The following MRPS27 variants were observed in gnomAD, a reference collection of about 807,000 sequenced individuals.
MRPS27 encodes the protein small ribosomal subunit protein mS27.
Under a neutral mutation model 48.9 loss-of-function variants are expected in MRPS27, and 43 were observed. The ratio of observed to expected loss-of-function variants is 0.88; its 90% CI spans 0.69 to 1.13. The LOEUF is 1.13. Among genes scored for constraint, MRPS27 ranks in the 50% most tolerant of loss-of-function variants. The pLI is 0.00. For synonymous variants in MRPS27, 188 were observed against 171.9 expected (o/e 1.09, Z -0.73); for missense variants, 467 against 476.3 (o/e 0.98, Z 0.18).
rs1389353111 is a variant in MRPS27 at position 72,219,633 on chromosome 5, G to A, written c.*1276C>T. The A allele has an allele frequency of 6.6e-6, 1 of 152,124 alleles. No individual in the cohort carries two copies. Among genetic ancestry groups the A allele is most frequent in the Non-Finnish European group, 1.5e-5 (1 of 68,028 alleles). 9.4% of individuals were successfully genotyped at this position (152,124 alleles called of 1,614,324 possible). ...CAACACTACATAGTAAGCAAAATCT[G>A]CTCTGAACCCTTTCACAGAAGAGAC... On this transcript the variant is annotated 3_prime_UTR_variant, in exon 11 of 11. Transcript: ENST00000261413.
At chr5:72,274,179 C>A (rs11749207) in intron 4 of MRPS27, among the ~76,000 whole-genome samples, 2,348 of 152,196 alleles carry the variant, frequency 0.015, 24 homozygotes, top group Non-Finnish European at 0.025. Flanking sequence ...TACGGTGAAA[C>A]CCCGTCTCTA....
At position 72,292,472 on chromosome 5, in the gene MRPS27, T is replaced by C. The variant is rs545263153; in HGVS notation, c.281+3059A>G. 2.6e-5 allele frequency among the ~76,000 whole-genome samples: 4 copies of C among 152,280 alleles called. No homozygotes were observed. In the South Asian group the frequency reaches 8.3e-4, roughly 32 times the overall value. On this transcript the variant is annotated intron_variant, in intron 4 of 10. Transcript: ENST00000261413. Reference sequence around the variant, plus strand: ...TCTCCTTAAAAGATCCCTTTAATGTTGAAGTCCCTAAACATTTAAGCCTAT... The same window carrying C: ...TCTCCTTAAAAGATCCCTTTAATGTCGAAGTCCCTAAACATTTAAGCCTAT...
chr5:72,238,401 A>G (rs1184285534), intron 4 of MRPS27, among the ~76,000 whole-genome samples: 1 of 152,242 alleles, frequency 6.6e-6, no homozygotes, highest in Non-Finnish European at 1.5e-5. Flanking sequence ...AGATTTATGA[A>G]AAATGATTTG....
chr5:72,259,468 CA>C (rs11286212), intron 4 of MRPS27, among the ~76,000 whole-genome samples: 76,935 of 127,656 alleles, frequency 0.6, 21,703 homozygotes, highest in Middle Eastern at 0.65. Flanking sequence ...AACTTCGTCT[CA>C]AAAAAAAAAA....
intron 4 of MRPS27, among the ~76,000 whole-genome samples, chr5:72,258,529 T>TG (rs1175968362): frequency 6.6e-6 from 1 of 152,144 alleles, no homozygotes; most frequent in Non-Finnish European, 1.5e-5. Flanking sequence ...TGGGGGCTAA[T>TG]GGGAGGTATT....
At chr5:72,247,746 A>C (rs1479728874) in intron 4 of MRPS27, among the ~76,000 whole-genome samples, 1 of 152,226 alleles carries the variant, frequency 6.6e-6, no homozygotes, top group African/African-American at 2.4e-5. Flanking sequence ...AGTCATCCAA[A>C]GTAATTTTCC....
At chr5:72,287,463 A>C (rs1402277171) in intron 4 of MRPS27, among the ~76,000 whole-genome samples, 1 of 152,162 alleles carries the variant, frequency 6.6e-6, no homozygotes, top group Admixed American at 6.5e-5. Flanking sequence ...AACATGGTGA[A>C]ACCCTATCTC....
chr5:72,315,248 T>TA (rs962276497), intron 1 of MRPS27, among the ~76,000 whole-genome samples: 14 of 149,684 alleles, frequency 9.4e-5, no homozygotes, highest in East Asian at 2.0e-4. Flanking sequence ...AACTCAAAAA[T>TA]AAAAAAAAAG....
At chr5:72,281,877 A>C (rs1580095700) in intron 4 of MRPS27, among the ~76,000 whole-genome samples, 1 of 152,124 alleles carries the variant, frequency 6.6e-6, no homozygotes, top group Non-Finnish European at 1.5e-5. Flanking sequence ...ATTGAGTTTC[A>C]CCTCTTGGTA....
At chr5:72,244,973 A>C (rs1437337025) in intron 4 of MRPS27, among the ~76,000 whole-genome samples, 1 of 152,208 alleles carries the variant, frequency 6.6e-6, no homozygotes, top group Non-Finnish European at 1.5e-5. Flanking sequence ...CTATTTTATC[A>C]GCCTCCAAAG....
chr5:72,243,506 A>C (rs1467775762), intron 4 of MRPS27, among the ~76,000 whole-genome samples: 5 of 152,218 alleles, frequency 3.3e-5, no homozygotes, highest in African/African-American at 1.2e-4. Context: ...GCAGGGTTTA[A>C]TACAGAAATC....
intron 7 of MRPS27, among the ~76,000 whole-genome samples, chr5:72,231,415 T>C (rs1187974814): frequency 6.6e-6 from 1 of 152,140 alleles, no homozygotes; most frequent in Non-Finnish European, 1.5e-5. Context: ...CTCCCTATAA[T>C]ATAGTCTTTT....
intron 4 of MRPS27, among the ~76,000 whole-genome samples, chr5:72,247,990 A>G (rs1017810735): frequency 1.3e-5 from 2 of 152,230 alleles, no homozygotes; most frequent in African/African-American, 2.4e-5. Flanking sequence ...TGGTTTTTAG[A>G]AAGGTTTACT....
Position 72,220,830 on chromosome 5 carries a change from G to C in MRPS27, c.*79C>G, listed in dbSNP as rs1747719174. ...AAGATGGGTAGAGGAAGCTGAGGCTGTTGTCCAGGCCACTGCTGAGTCCTG... is the reference window on the plus strand; with the variant it reads ...AAGATGGGTAGAGGAAGCTGAGGCTCTTGTCCAGGCCACTGCTGAGTCCTG... On this transcript the variant is annotated 3_prime_UTR_variant, in exon 11 of 11. Coordinates refer to ENST00000261413, the MANE Select transcript of MRPS27 (RefSeq NM_015084.3). The C allele has an allele frequency of 6.4e-7, 1 of 1,561,122 alleles. No individual in the cohort carries two copies. The highest frequency in any genetic ancestry group is 8.7e-7 in the Non-Finnish European group (1 of 1,154,452).
rs1209738689 is a variant in MRPS27, at chr5:72,221,090, A to G, written c.1064T>C (p.Leu355Pro). ...GKIESEGLLSLTTQLVKEKLS... is the reference protein window; with the variant it reads ...GKIESEGLLSPTTQLVKEKLS... Reference sequence around the variant, plus strand: ...TTTTTCCTTGACAAGCTGGGTGGTCAGACTTAAAAGACCTTCTGACTCAAT... The same window carrying G: ...TTTTTCCTTGACAAGCTGGGTGGTCGGACTTAAAAGACCTTCTGACTCAAT... The change falls in exon 11 of 11, where the codon CTG (leucine) becomes CCG (proline). Residue 355 changes from leucine (L) to proline (P), a missense_variant. Physicochemically the swap from Leu to Pro is moderately conservative, Grantham distance 98 (BLOSUM62 -3). Coordinates refer to ENST00000261413, the MANE Select transcript of MRPS27 (RefSeq NM_015084.3). 14 of 1,614,206 alleles carry G rather than the reference A, an allele frequency of 8.7e-6. No individual in the cohort carries two copies. Among genetic ancestry groups the G allele is most frequent in the Non-Finnish European group, 1.1e-5 (13 of 1,180,018 alleles).
rs986476896 is a variant in MRPS27 at position 72,220,808 on chromosome 5, A to G, written c.*101T>C. On this transcript the variant is annotated 3_prime_UTR_variant, in exon 11 of 11. Coordinates refer to ENST00000261413, the MANE Select transcript of MRPS27 (RefSeq NM_015084.3). ...ACATAGCCTGCTTTAAGAAAAGAAG[A>G]TGGGTAGAGGAAGCTGAGGCTGTTG... The G allele has an allele frequency of 6.7e-7, 1 of 1,500,132 alleles. No homozygotes were observed. Among genetic ancestry groups the G allele is most frequent in the Non-Finnish European group, 9.0e-7 (1 of 1,112,334 alleles). 92.9% of individuals were successfully genotyped at this position (1,500,132 alleles called of 1,614,324 possible).
chr5:72,258,091 A>T (rs2111994546), intron 4 of MRPS27, among the ~76,000 whole-genome samples: 1 of 151,868 alleles, frequency 6.6e-6, no homozygotes, highest in Admixed American at 6.6e-5. Context: ...CTCAAAAAAA[A>T]AAAAAAAAAA....
At chr5:72,234,355 T>C (rs1479351001) in intron 5 of MRPS27, among the ~76,000 whole-genome samples, 158 bp from the exon 6 acceptor site, 4 of 152,090 alleles carry the variant, frequency 2.6e-5, no homozygotes, top group African/African-American at 9.7e-5. Context: ...ACAGAAGCCA[T>C]GACTCATGAG....
At chr5:72,320,111 C>T in intron 1 of MRPS27, 38 bp downstream of exon 1, 1 of 1,599,462 alleles carries the variant, frequency 6.3e-7, no homozygotes, top group Non-Finnish European at 8.6e-7. Context: ...ACCCAAAAAA[C>T]AGAATAATCA....
Sources: allele counts gnomAD v4.1 joint callset (sites outside exome capture counted in the v4.1 genomes callset), GRCh38; gene constraint gnomAD v4.1.1; transcripts MANE v1.5; gene names NCBI Gene and HGNC (gene_info 2026-07-23, HGNC 2026-07-21).